Variants in NKAIN1 observed in about 807,000 individuals in gnomAD.
NKAIN1 encodes sodium/potassium-transporting ATPase subunit beta-1-interacting protein 1.
Under a neutral mutation model 31.6 loss-of-function variants are expected in NKAIN1, and 13 were observed. The ratio of observed to expected loss-of-function variants is 0.41; its 90% CI spans 0.27 to 0.65. The LOEUF is 0.65. Among genes scored for constraint, NKAIN1 ranks in the 30% least tolerant of loss-of-function variants. The probability of loss-of-function intolerance (pLI) is 0.30; values close to 1 mark genes in which losing one functional copy is unlikely to be tolerated. For missense variants in NKAIN1, 193 were observed against 262.2 expected (o/e 0.74, Z 1.82); for synonymous variants, 104 against 109.0 (o/e 0.95, Z 0.28).
At chr1:31,225,708 T>A (rs1569579254) in intron 1 of NKAIN1, among the ~76,000 whole-genome samples, 2 of 138,132 alleles carry the variant, frequency 1.4e-5, no homozygotes, top group African/African-American at 6.3e-5. Context: ...CTCAGAAAAC[T>A]AGAATTTAAG....
rs1276908251 is a variant in NKAIN1, at chr1:31,233,735, A to G, written c.54+5759T>C. ...ACTTGTCCAAGTCTCAAGGCAAATC[A>G]TAGCTAGCCCTGGAGAGCACTTTCC... On this transcript the variant is annotated intron_variant, in intron 1 of 6. Coordinates refer to ENST00000373736, the MANE Select transcript of NKAIN1 (RefSeq NM_024522.3). This position sits in a 1 kb window ranked among gnomAD's most constrained non-coding sequence, Gnocchi z 4.0. Among the ~76,000 whole-genome samples, 1 of 152,214 alleles carries G rather than the reference A, an allele frequency of 6.6e-6. No individual in the cohort carries two copies. Among genetic ancestry groups the G allele is most frequent in the Non-Finnish European group, 1.5e-5 (1 of 68,034 alleles).
intron 1 of NKAIN1, among the ~76,000 whole-genome samples, chr1:31,205,687 G>A (rs918127295): frequency 7.5e-6 from 1 of 132,744 alleles, no homozygotes; most frequent in Non-Finnish European, 1.6e-5. Context: ...GCACGATCTC[G>A]GCTCGGCTCA....
At chr1:31,196,471 C>G (rs1370544526) in intron 1 of NKAIN1, among the ~76,000 whole-genome samples, 1 of 145,618 alleles carries the variant, frequency 6.9e-6, no homozygotes, top group Admixed American at 7.3e-5. Context: ...TGAGATCGTG[C>G]CACTGCACTC....
intron 3 of NKAIN1, among the ~76,000 whole-genome samples, chr1:31,184,429 G>C (rs1374787103): frequency 6.6e-6 from 1 of 152,048 alleles, no homozygotes; most frequent in East Asian, 1.9e-4. Context: ...TCTTACCCAG[G>C]GTGTGTACCC....
At chr1:31,183,636 C>CG (rs1339738334) in intron 4 of NKAIN1, among the ~76,000 whole-genome samples, 181 bp downstream of exon 4, 2 of 151,850 alleles carry the variant, frequency 1.3e-5, no homozygotes, top group African/African-American at 4.8e-5. Flanking sequence ...TTAGTAGAGA[C>CG]GGGGTTTCTC....
intron 1 of NKAIN1, among the ~76,000 whole-genome samples, chr1:31,229,837 C>T (rs1362389134): frequency 6.6e-6 from 1 of 152,152 alleles, no homozygotes; most frequent in African/African-American, 2.4e-5. Context: ...ATTACTGACT[C>T]AGAGCTGGAA....
chr1:31,186,380 CT>C (rs1645243933), intron 2 of NKAIN1, among the ~76,000 whole-genome samples: 1 of 132,272 alleles, frequency 7.6e-6, no homozygotes, highest in Non-Finnish European at 1.6e-5. Context: ...AAAAAAAAGT[CT>C]TAATTCTTTT....
At chr1:31,191,351 T>C (rs946436326) in intron 1 of NKAIN1, among the ~76,000 whole-genome samples, 3 of 148,104 alleles carry the variant, frequency 2.0e-5, no homozygotes, top group Admixed American at 1.4e-4. Context: ...TGGTACCCAC[T>C]CAAACCCCCT....
intron 1 of NKAIN1, among the ~76,000 whole-genome samples, chr1:31,237,931 C>T (rs1294814799): frequency 6.6e-6 from 1 of 152,100 alleles, no homozygotes; most frequent in Non-Finnish European, 1.5e-5. Flanking sequence ...CAGAAGAATC[C>T]TCTGAAAGGT....
chr1:31,202,569 C>T lies in NKAIN1; in HGVS notation c.55-14382G>A, dbSNP rs187187866. ...GTGGGCACCTGTAGTCCCAGCTACT[C>T]AGGAGGCTGAGGCAGGAGAATGGTG... On this transcript the variant is annotated intron_variant, in intron 1 of 6. Coordinates refer to ENST00000373736, the MANE Select transcript of NKAIN1 (RefSeq NM_024522.3). 4.7e-5 allele frequency among the ~76,000 whole-genome samples: 7 copies of T among 150,162 alleles called. No individual in the cohort carries two copies. In the East Asian group the frequency reaches 1.4e-3, roughly 30 times the overall value.
intron 1 of NKAIN1, among the ~76,000 whole-genome samples, chr1:31,225,510 G>A (rs1263276890): frequency 1.3e-5 from 2 of 151,708 alleles, no homozygotes; most frequent in Non-Finnish European, 2.9e-5. Flanking sequence ...TGTATTTTTA[G>A]TAGAGACAGG....
At chr1:31,210,416 G>T (rs1250974490) in intron 1 of NKAIN1, among the ~76,000 whole-genome samples, 1 of 142,676 alleles carries the variant, frequency 7.0e-6, no homozygotes, top group Non-Finnish European at 1.5e-5. Context: ...AGCCTCCTGA[G>T]CAGCTGGGAT....
At position 31,183,803 on chromosome 1, in the gene NKAIN1, A is replaced by G. The variant is rs750328862; in HGVS notation, c.471+14T>C. 3 of 1,606,474 alleles carry G rather than the reference A, an allele frequency of 1.9e-6. No homozygotes were observed. Among genetic ancestry groups the G allele is most frequent in the Non-Finnish European group, 2.6e-6 (3 of 1,175,642 alleles). On this transcript the variant is annotated intron_variant, in intron 4 of 6. Coordinates refer to ENST00000373736, the MANE Select transcript of NKAIN1 (RefSeq NM_024522.3). ...TCGGGAAGTGTGTGTAGGGTGGGGGACAGAAGGACTTACTGCCAGGAAGAT... is the reference window on the plus strand; with the variant it reads ...TCGGGAAGTGTGTGTAGGGTGGGGGGCAGAAGGACTTACTGCCAGGAAGAT...
In NKAIN1 at chr1:31,185,311, A is replaced by T; in HGVS notation, c.209T>A (p.Val70Glu). The change falls in exon 3 of 7, where the codon GTG becomes GAG. Residue 70 changes from valine to glutamate, a missense_variant. Transcript: ENST00000373736. Reference protein sequence around the residue: ...RYLILYAAWLVLWVGWNAFII... With the variant: ...RYLILYAAWLELWVGWNAFII... The stretch of plus-strand genomic sequence containing the variant: ...AAATGCATTCCAGCCAACCCAGAGC[A>T]CCAGCCAGGCTGCATACTGGGGAAA... 2 of 1,609,666 alleles carry T rather than the reference A, an allele frequency of 1.2e-6. No individual in the cohort carries two copies. Among genetic ancestry groups the T allele is most frequent in the Non-Finnish European group, 1.7e-6 (2 of 1,177,802 alleles).
In NKAIN1 at chr1:31,193,003, T is replaced by TA. The variant is rs200283569; in HGVS notation, c.55-4817dup. ...CAACATAGTGAGATCCCATCTCTAT[T>TA]AAAAAAAAAAAAATCAGATTCAGTG... On this transcript the variant is annotated intron_variant, in intron 1 of 6. Transcript: ENST00000373736. 5.2e-3 allele frequency among the ~76,000 whole-genome samples: 753 copies of TA among 145,194 alleles called. 3 individuals are homozygous for TA. Among genetic ancestry groups the TA allele is most frequent in the East Asian group, 0.025 (124 of 5,022 alleles).
intron 1 of NKAIN1, among the ~76,000 whole-genome samples, chr1:31,229,243 T>C (rs1645629130): frequency 6.6e-6 from 1 of 152,240 alleles, no homozygotes; most frequent in Non-Finnish European, 1.5e-5. Context: ...TCTCACTCTC[T>C]GACCCAAGAG....
At chr1:31,229,771 G>A (rs1645632148) in intron 1 of NKAIN1, among the ~76,000 whole-genome samples, 1 of 152,130 alleles carries the variant, frequency 6.6e-6, no homozygotes, top group Admixed American at 6.5e-5. Flanking sequence ...ACCACTGCCT[G>A]CAACAAGGTG....
At position 31,204,178 on chromosome 1, in the gene NKAIN1, G is replaced by C. The variant is rs923978682; in HGVS notation, c.55-15991C>G. ...AATGAAATGAGGGGTGGCAGGGTGG[G>C]GAAGAGATGTGGCTGGACCTTGGAC... On this transcript the variant is annotated intron_variant, in intron 1 of 6. Coordinates refer to ENST00000373736, the MANE Select transcript of NKAIN1 (RefSeq NM_024522.3). Among the ~76,000 whole-genome samples, 5 of 152,258 alleles carry C rather than the reference G, an allele frequency of 3.3e-5. No homozygotes were observed. In the East Asian group the frequency reaches 9.6e-4, roughly 29 times the overall value.
At chr1:31,206,273 T>TAAATAAA (rs60976297) in intron 1 of NKAIN1, among the ~76,000 whole-genome samples, 19 of 13,724 alleles carry the variant, frequency 1.4e-3, no homozygotes, top group Non-Finnish European at 6.9e-3. Context: ...ATAAATAAAC[T>TAAATAAA]CTCTGGTTTA....
Sources: gnomAD v4.1 joint callset for allele counts (sites outside exome capture counted in the v4.1 genomes callset) on GRCh38, gnomAD v4.1.1 for gene constraint, Gnocchi (gnomAD v3.1) non-coding constraint, MANE v1.5 for transcripts, NCBI Gene and HGNC (gene_info 2026-07-23, HGNC 2026-07-21) for gene names.